Variants in CRYBB1 observed in about 807,000 individuals in gnomAD.
The protein encoded by CRYBB1 is crystallin beta B1, also known as beta-crystallin B1.
A neutral mutation model predicts 29.5 loss-of-function variants in CRYBB1; 16 were observed. That is an observed-to-expected ratio of 0.54 (90% CI 0.37 to 0.82). The LOEUF (loss-of-function observed/expected upper bound fraction) is 0.82, where lower values mean the gene tolerates loss of function less well. CRYBB1 is among the 40% of genes least tolerant of loss of function. CRYBB1 has a pLI of 0.00. For missense variants in CRYBB1, 300 were observed against 350.5 expected (o/e 0.86, Z 1.15); for synonymous variants, 127 against 136.7 (o/e 0.93, Z 0.49).
chr22:26,601,921 C>A lies in CRYBB1; in HGVS notation c.533G>T (p.Gly178Val). 2 of 1,612,790 alleles carry A rather than the reference C, an allele frequency of 1.2e-6. No individual in the cohort carries two copies. The highest frequency in any genetic ancestry group is 1.7e-6 in the Non-Finnish European group (2 of 1,179,874). Residue 178 changes from glycine to valine, a missense_variant, in exon 5 of 6, where the codon GGC becomes GTC. Gly to Val is a moderately radical substitution (Grantham distance 109). Coordinates refer to ENST00000647684, the MANE Select transcript of CRYBB1 (RefSeq NM_001887.4). ...GDDAPSLWVY[G>V]FSDRVGSVKV... is the part of the protein sequence containing the mutation. ...CACGCTGCCCACGCGGTCACTGAAG[C>A]CGTAGACCCAGAGACTGGGTGCGTC...
At chr22:26,605,664 T>C (rs1239354432) in intron 4 of CRYBB1, among the ~76,000 whole-genome samples, 1 of 109,248 alleles carries the variant, frequency 9.2e-6, no homozygotes, top group Non-Finnish European at 1.8e-5. Context: ...CAGAGTTAGA[T>C]GTGTCTCAAA....
rs527796868 is a variant in CRYBB1, at chr22:26,599,909, A to C, written c.576-236T>G. On this transcript the variant is annotated intron_variant, in intron 5 of 5. Coordinates refer to ENST00000647684, the MANE Select transcript of CRYBB1 (RefSeq NM_001887.4). Reference sequence around the variant, plus strand: ...GGTCACGGTGCCTGGTTTTATTAAGAGTGCTGGGGGGGACCAAATGGAGAA... The same window carrying C: ...GGTCACGGTGCCTGGTTTTATTAAGCGTGCTGGGGGGGACCAAATGGAGAA... Among the ~76,000 whole-genome samples the C allele has an allele frequency of 1.9e-4, 29 of 152,272 alleles. No homozygotes were observed. The South Asian group carries it at 5.0e-3, about 26-fold the overall frequency.
At chr22:26,616,387 T>C in intron 1 of CRYBB1, 49 bp from the exon 2 acceptor site, 1 of 1,266,276 alleles carries the variant, frequency 7.9e-7, no homozygotes, top group Admixed American at 1.7e-5. Flanking sequence ...AACTGCCTCC[T>C]GCCCTCATAG....
chr22:26,613,487 C>T (rs1929244274), intron 2 of CRYBB1, among the ~76,000 whole-genome samples: 1 of 152,190 alleles, frequency 6.6e-6, no homozygotes, highest in African/African-American at 2.4e-5. Flanking sequence ...TTATTAGTTC[C>T]CCAAATTAAT....
At chr22:26,612,046 G>T in intron 3 of CRYBB1, 26 bp downstream of exon 3, 1 of 1,501,762 alleles carries the variant, frequency 6.7e-7, no homozygotes, top group Non-Finnish European at 9.3e-7. Context: ...GGCAGAGAGT[G>T]TGCCCCTCCG....
chr22:26,616,448 C>T, intron 1 of CRYBB1, 110 bp from the exon 2 acceptor site: 1 of 745,810 alleles, frequency 1.3e-6, no homozygotes, highest in East Asian at 2.7e-5. Flanking sequence ...CTCTCTATCT[C>T]CTTCTGAAAC....
In CRYBB1 at chr22:26,612,158, G is replaced by T; in HGVS notation, c.213C>A (p.Gly71=). Reference sequence around the variant, plus strand: ...ACTCCCCCGAGAATTCTGCTCGACGGCCCTGGAAGTTTTCCAGTTCGAAGA... The same window carrying T: ...ACTCCCCCGAGAATTCTGCTCGACGTCCCTGGAAGTTTTCCAGTTCGAAGA... ...LVVFELENFQ[G]RRAEFSGECS... Residue 71 remains glycine, a synonymous_variant, in exon 3 of 6, where the codon GGC becomes GGA. Coordinates refer to ENST00000647684, the MANE Select transcript of CRYBB1 (RefSeq NM_001887.4). 1 of 1,613,880 alleles carries T rather than the reference G, an allele frequency of 6.2e-7. No homozygotes were observed. Among genetic ancestry groups the T allele is most frequent in the South Asian group, 1.1e-5 (1 of 91,060 alleles).
At chr22:26,616,459 G>A (rs546646725) in intron 1 of CRYBB1, 121 bp from the exon 2 acceptor site, 5 of 706,276 alleles carry the variant, frequency 7.1e-6, no homozygotes, top group East Asian at 2.7e-5. Flanking sequence ...CTTCTGAAAC[G>A]GTTAAGCCTG....
At chr22:26,600,040 G>A (rs567685864) in intron 5 of CRYBB1, among the ~76,000 whole-genome samples, 18 of 152,296 alleles carry the variant, frequency 1.2e-4, no homozygotes, top group African/African-American at 4.3e-4. Flanking sequence ...ATCCAAGGAA[G>A]CAAGAATAGG....
chr22:26,601,830 T>A (rs948921718), intron 5 of CRYBB1, 49 bp downstream of exon 5: 164 of 1,610,624 alleles, frequency 1.0e-4, no homozygotes, highest in Non-Finnish European at 1.4e-4. Context: ...CCTCTGATTC[T>A]GCCTGTGCTT....
Position 26,612,102 on chromosome 22 carries a change from C to G in CRYBB1, c.269G>C (p.Arg90Pro). 6.2e-7 allele frequency: 1 copy of G among 1,613,490 alleles called. No individual in the cohort carries two copies. Among genetic ancestry groups the G allele is most frequent in the Non-Finnish European group, 8.5e-7 (1 of 1,179,700 alleles). Residue 90 changes from arginine (R) to proline (P), a missense_variant, in exon 3 of 6, where the codon CGT becomes CCT. Arg to Pro is a moderately radical substitution (Grantham distance 103). Transcript: ENST00000647684. ...CGCGGAGACAATGATGCTGCGCACA[C>G]GGTCGAAGCCACGGTCTGCCAGATT... ...CSNLADRGFD[R>P]VRSIIVSAGP...
At chr22:26,610,990 G>T (rs963239318) in intron 3 of CRYBB1, among the ~76,000 whole-genome samples, 1 of 152,088 alleles carries the variant, frequency 6.6e-6, no homozygotes, top group African/African-American at 2.4e-5. Flanking sequence ...CTTGTCCTGG[G>T]GCTGCCCCTC....
intron 2 of CRYBB1, among the ~76,000 whole-genome samples, chr22:26,613,295 A>G (rs1299497907): frequency 6.6e-6 from 1 of 152,200 alleles, no homozygotes; most frequent in East Asian, 1.9e-4. Flanking sequence ...CAGTTTCCCC[A>G]GCTGTAAGAG....
At chr22:26,602,704 G>A (rs779512268) in intron 4 of CRYBB1, among the ~76,000 whole-genome samples, 9 of 152,156 alleles carry the variant, frequency 5.9e-5, no homozygotes, top group Non-Finnish European at 8.8e-5. Flanking sequence ...GAACCTTTCA[G>A]AGAAACACTT....
chr22:26,609,534 A>G (rs1271599189), intron 3 of CRYBB1, among the ~76,000 whole-genome samples: 2 of 152,126 alleles, frequency 1.3e-5, no homozygotes, highest in African/African-American at 4.8e-5. Context: ...AGATGGGTAG[A>G]TGGATGGGTG....
intron 3 of CRYBB1, among the ~76,000 whole-genome samples, chr22:26,609,643 A>G (rs142160015): frequency 4.6e-5 from 7 of 152,286 alleles, no homozygotes; most frequent in African/African-American, 1.4e-4. Context: ...TGGATAGATC[A>G]ATAGACGAAT....
chr22:26,599,806 C>T, intron 5 of CRYBB1, 133 bp from the exon 6 acceptor site: 1 of 757,876 alleles, frequency 1.3e-6, no homozygotes, highest in Non-Finnish European at 2.3e-6. Context: ...CTGGCTATAT[C>T]CCTTCCTGCT....
intron 3 of CRYBB1, 47 bp from the exon 4 acceptor site, chr22:26,608,068 T>C: frequency 6.2e-7 from 1 of 1,613,686 alleles, no homozygotes; most frequent in African/African-American, 1.3e-5. Flanking sequence ...ATATGGTTAG[T>C]AGAAGCCCCC....
intron 2 of CRYBB1, among the ~76,000 whole-genome samples, chr22:26,613,015 C>G (rs933472603): frequency 6.6e-6 from 1 of 152,178 alleles, no homozygotes; most frequent in Non-Finnish European, 1.5e-5. Flanking sequence ...TCCCATTACC[C>G]AGCCCCTCCA....
Sources: allele counts gnomAD v4.1 joint callset (sites outside exome capture counted in the v4.1 genomes callset), GRCh38; gene constraint gnomAD v4.1.1; transcripts MANE v1.5; gene names NCBI Gene and HGNC (gene_info 2026-07-23, HGNC 2026-07-21).